MTREX: variants seen among roughly 807,000 people sequenced by gnomAD.
MTREX encodes Mtr4 exosome RNA helicase, also known as exosome RNA helicase MTR4.
Under a neutral mutation model 135.4 loss-of-function variants are expected in MTREX, and 76 were observed. The ratio of observed to expected loss-of-function variants is 0.56; its 90% CI spans 0.47 to 0.68. The LOEUF (loss-of-function observed/expected upper bound fraction) is 0.68. Ranked by LOEUF, MTREX falls within the 30% of genes least tolerant of loss-of-function variation. The pLI is 0.00. For missense variants in MTREX, 920 were observed against 1,262.1 expected, an observed-to-expected ratio of 0.73 and a Z score of 4.11; for synonymous variants, 404 against 401.6, an observed-to-expected ratio of 1.01 and a Z score of -0.07.
At chr5:55,353,483 A>G (rs1368618648) in intron 14 of MTREX, among the ~76,000 whole-genome samples, 1 of 152,124 alleles carries the variant, frequency 6.6e-6, no homozygotes, top group East Asian at 1.9e-4. Context: ...TGGGAGGATG[A>G]TTTAAGGCCA....
intron 5 of MTREX, among the ~76,000 whole-genome samples, chr5:55,339,259 T>A (rs1244194007): frequency 3.9e-5 from 6 of 152,224 alleles, no homozygotes; most frequent in African/African-American, 1.2e-4. Flanking sequence ...GTATGTAGCA[T>A]TTCTGTATTT....
intron 26 of MTREX, chr5:55,423,369 T>A (rs977604091): frequency 5.7e-6 from 1 of 175,994 alleles, no homozygotes; most frequent in African/African-American, 2.4e-5. Context: ...ACAATAGAAT[T>A]GGCAGATGGA....
chr5:55,404,797 CTTTTTT>C (rs10714588), intron 21 of MTREX, among the ~76,000 whole-genome samples: 1 of 131,964 alleles, frequency 7.6e-6, no homozygotes, highest in Non-Finnish European at 1.6e-5. Flanking sequence ...GCTCTGTTCT[CTTTTTT>C]TTTTTTCTTT....
At chr5:55,387,876 T>G in intron 18 of MTREX, 98 bp from the exon 19 acceptor site, 1 of 1,187,460 alleles carries the variant, frequency 8.4e-7, no homozygotes, top group Admixed American at 2.4e-5. Flanking sequence ...TCAGTCATAA[T>G]GCTAAATGCT....
At chr5:55,378,838 A>T (rs369854566) in intron 17 of MTREX, among the ~76,000 whole-genome samples, 4 of 152,194 alleles carry the variant, frequency 2.6e-5, no homozygotes, top group African/African-American at 7.2e-5. Context: ...AATTCATTAG[A>T]TATAAATGAT....
chr5:55,368,260 C>G (rs954179506), intron 16 of MTREX, among the ~76,000 whole-genome samples: 1 of 152,014 alleles, frequency 6.6e-6, no homozygotes, highest in African/African-American at 2.4e-5. Context: ...GCCAGCCTGG[C>G]CAGCATGATG....
In MTREX at chr5:55,358,687, C is replaced by A. The variant is rs1749960551; in HGVS notation, c.1648C>A (p.Gln550Lys). The change falls in exon 15 of 27, where the codon CAA becomes AAA. Residue 550 changes from glutamine to lysine, a missense_variant. By Grantham distance (53) the Gln-to-Lys change is moderately conservative. Around this residue, in one of 6 missense-constraint regions of MTREX, gnomAD observed 467 missense variants for 589.7 expected, o/e 0.79. Transcript: ENST00000230640. Reference sequence around the variant, plus strand: ...AAAGATGAGCCCAACAATTGGAAAACAATTACTTAAGGTAACTACATTAAG... The same window carrying A: ...AAAGATGAGCCCAACAATTGGAAAAAAATTACTTAAGGTAACTACATTAAG... Reference protein sequence around the residue: ...DEKMSPTIGKQLLKGSADPLN... With the variant: ...DEKMSPTIGKKLLKGSADPLN... 6.3e-7 allele frequency: 1 copy of A among 1,594,020 alleles called. No individual in the cohort carries two copies. Among genetic ancestry groups the A allele is most frequent in the Non-Finnish European group, 8.5e-7 (1 of 1,174,460 alleles).
intron 21 of MTREX, 112 bp from the exon 22 acceptor site, chr5:55,405,313 G>A: frequency 1.1e-6 from 1 of 906,980 alleles, no homozygotes; most frequent in Non-Finnish European, 1.7e-6. Context: ...TAACCCAGAA[G>A]TATACTGTAA....
chr5:55,342,152 C>T (rs1319499390), intron 7 of MTREX, among the ~76,000 whole-genome samples: 1 of 152,164 alleles, frequency 6.6e-6, no homozygotes, highest in Non-Finnish European at 1.5e-5. Flanking sequence ...TCAAGTGATC[C>T]TCCCACCTTG....
Position 55,424,861 on chromosome 5 carries a change from C to T in MTREX, c.*89C>T, listed in dbSNP as rs2111642137. ...AATGCCTGCAAGTGTGGATTTGGTT[C>T]TCCCATACATTTTAATATGTATTAT... On this transcript the variant is annotated 3_prime_UTR_variant, in exon 27 of 27. Coordinates refer to ENST00000230640, the MANE Select transcript of MTREX (RefSeq NM_015360.5). The T allele has an allele frequency of 2.2e-6, 2 of 909,358 alleles. No homozygotes were observed. The highest frequency in any genetic ancestry group is 3.6e-6 in the Non-Finnish European group (2 of 559,282). The allele number at this position is 909,358 out of a possible 1,614,324, so 56.3% of individuals were successfully genotyped here. A position where few individuals can be genotyped will look rare whatever the true frequency, so the allele number is the denominator to read the frequency against.
chr5:55,421,191 A>G lies in MTREX; in HGVS notation c.2972-1687A>G, dbSNP rs80000250. On this transcript the variant is annotated intron_variant, in intron 25 of 26. Transcript: ENST00000230640. ...TCAGGCTGATGAGGCAGGATGACTT[A>G]TAAAGGTGGGTGTAAGAAGAGCCCT... Among the ~76,000 whole-genome samples the G allele has an allele frequency of 5.4e-3, 825 of 152,330 alleles. 4 individuals are homozygous for G. The highest frequency in any genetic ancestry group is 0.019 in the African/African-American group (795 of 41,566).
At chr5:55,328,317 TC>T (rs1213165854) in intron 4 of MTREX, among the ~76,000 whole-genome samples, 11 of 152,172 alleles carry the variant, frequency 7.2e-5, no homozygotes, top group African/African-American at 2.7e-4. Flanking sequence ...GCCTCAGAGT[TC>T]CTACCTATGA....
intron 16 of MTREX, among the ~76,000 whole-genome samples, chr5:55,375,040 A>G (rs1690761379): frequency 6.6e-6 from 1 of 152,216 alleles, no homozygotes; most frequent in African/African-American, 2.4e-5. Flanking sequence ...AGTTTCAAAA[A>G]GGGAGGGAGT....
intron 16 of MTREX, among the ~76,000 whole-genome samples, chr5:55,369,827 C>T (rs1218425233): frequency 3.9e-5 from 6 of 152,114 alleles, no homozygotes; most frequent in East Asian, 1.9e-4. Context: ...GTCACTAACC[C>T]GTGTTATTTC....
intron 7 of MTREX, 25 bp downstream of exon 7, chr5:55,341,796 T>G: frequency 1.8e-6 from 2 of 1,093,626 alleles, no homozygotes; most frequent in Admixed American, 2.2e-5. Context: ...GAAATGTATA[T>G]CATGTATTTC....
rs764175363 is a variant in MTREX at position 55,422,872 on chromosome 5, A to G, written c.2972-6A>G. ...TTTACCAGTGTTTTGTTCCTTTTCT[A>G]TCCAGGCAGCATAATTCGTTGTATG... On this transcript the variant is annotated splice_region_variant and splice_polypyrimidine_tract_variant and intron_variant, in intron 25 of 26. Transcript: ENST00000230640. 1.9e-6 allele frequency: 3 copies of G among 1,608,428 alleles called. No homozygotes were observed. In the South Asian group the frequency reaches 3.3e-5, roughly 18 times the overall value.
intron 2 of MTREX, among the ~76,000 whole-genome samples, chr5:55,322,804 A>G (rs1451409653): frequency 1.3e-5 from 2 of 152,206 alleles, no homozygotes; most frequent in African/African-American, 4.8e-5. Flanking sequence ...AAGCTAACTC[A>G]GTGGAAGGAA....
In MTREX at chr5:55,402,852, A is replaced by ATGTGTGTGTGTG. The variant is rs767239762; in HGVS notation, c.2481+2441_2481+2452dup. Among the ~76,000 whole-genome samples the ATGTGTGTGTGTG allele has an allele frequency of 4.4e-3, 499 of 114,506 alleles. 2 individuals carry two copies. Among genetic ancestry groups the ATGTGTGTGTGTG allele is most frequent in the African/African-American group, 0.015 (480 of 31,944 alleles). 75.1% of individuals were successfully genotyped at this position (114,506 alleles called of 152,430 possible). On this transcript the variant is annotated intron_variant, in intron 21 of 26. Transcript: ENST00000230640. The stretch of plus-strand genomic sequence containing the variant: ...TGTGTGTGTGTGTGTATGTGTATGT[A>ATGTGTGTGTGTG]TGTGTGTGTGTGTGTGTGTGTATAT...
chr5:55,383,335 G>A (rs1202815817), intron 18 of MTREX, among the ~76,000 whole-genome samples: 1 of 151,838 alleles, frequency 6.6e-6, no homozygotes, highest in Non-Finnish European at 1.5e-5. Context: ...ACTTCTTTTT[G>A]TGTTTCTTGT....
Sources: allele counts gnomAD v4.1 joint callset (sites outside exome capture counted in the v4.1 genomes callset), GRCh38; gene constraint gnomAD v4.1.1; regional missense constraint gnomAD v4.1.1; transcripts MANE v1.5; gene names NCBI Gene and HGNC (gene_info 2026-07-23, HGNC 2026-07-21).